The following CAMK2D variants were observed in gnomAD, a reference collection of about 807,000 sequenced individuals.
The protein encoded by CAMK2D is calcium/calmodulin-dependent protein kinase type II subunit delta.
CAMK2D carries 37 observed loss-of-function variants against 84.0 expected under a neutral mutation model. The ratio of observed to expected loss-of-function variants is 0.44; its 90% CI spans 0.34 to 0.58. The LOEUF (loss-of-function observed/expected upper bound fraction) is 0.58, where lower values mean the gene tolerates loss of function less well. Ranked by LOEUF, CAMK2D falls within the 20% of genes least tolerant of loss-of-function variation. CAMK2D has a pLI of 0.02. For missense variants in CAMK2D, 448 were observed against 652.5 expected (o/e 0.69, Z 3.41); for synonymous variants, 202 against 212.5 (o/e 0.95, Z 0.43).
chr4:113,601,410 C>G (rs1009062122), intron 4 of CAMK2D, among the ~76,000 whole-genome samples: 1 of 152,050 alleles, frequency 6.6e-6, no homozygotes, highest in Middle Eastern at 3.4e-3. Context: ...GGAACACGAT[C>G]CGGATATGCC....
chr4:113,749,136 T>C (rs1320872540), intron 2 of CAMK2D, among the ~76,000 whole-genome samples: 1 of 151,320 alleles, frequency 6.6e-6, no homozygotes, highest in Non-Finnish European at 1.5e-5. Context: ...GAATATTTTC[T>C]CATATATAAT....
intron 7 of CAMK2D, among the ~76,000 whole-genome samples, chr4:113,533,565 C>T (rs2098471458): frequency 6.6e-6 from 1 of 151,856 alleles, no homozygotes; most frequent in Non-Finnish European, 1.5e-5. Context: ...TCCATTGTAA[C>T]ACATTGGCAT....
intron 4 of CAMK2D, among the ~76,000 whole-genome samples, chr4:113,608,135 GTGGTAGTC>G (rs2098985681): frequency 6.6e-6 from 1 of 152,176 alleles, no homozygotes; most frequent in East Asian, 1.9e-4. Context: ...AACTGAAAAT[GTGGTAGTC>G]AATTTCAGAC....
At chr4:113,620,066 G>A (rs948458436) in intron 3 of CAMK2D, among the ~76,000 whole-genome samples, 1 of 152,194 alleles carries the variant, frequency 6.6e-6, no homozygotes, top group Non-Finnish European at 1.5e-5. Flanking sequence ...GCTGCACTAA[G>A]AATGTAGGAT....
chr4:113,634,233 T>C (rs1358967084), intron 3 of CAMK2D, among the ~76,000 whole-genome samples: 5 of 152,186 alleles, frequency 3.3e-5, no homozygotes, highest in Non-Finnish European at 7.4e-5. Context: ...TTACACGTTG[T>C]AGGGAATAGA....
intron 4 of CAMK2D, among the ~76,000 whole-genome samples, chr4:113,581,760 C>A (rs1252941569): frequency 6.6e-6 from 1 of 152,046 alleles, no homozygotes. Flanking sequence ...TGATATTTGC[C>A]TGTGATTTGG....
At chr4:113,597,782 T>C (rs1201892976) in intron 4 of CAMK2D, among the ~76,000 whole-genome samples, 2 of 152,250 alleles carry the variant, frequency 1.3e-5, no homozygotes, top group Non-Finnish European at 2.9e-5. Flanking sequence ...TAATTCTTTC[T>C]AGGTTTTGAT....
At chr4:113,711,301 C>A (rs1417313687) in intron 2 of CAMK2D, among the ~76,000 whole-genome samples, 1 of 151,758 alleles carries the variant, frequency 6.6e-6, no homozygotes, top group African/African-American at 2.4e-5. Flanking sequence ...CTTCACAATT[C>A]ATTCTTAAAA....
intron 16 of CAMK2D, among the ~76,000 whole-genome samples, chr4:113,480,129 T>A (rs1360209967): frequency 6.6e-6 from 1 of 152,014 alleles, no homozygotes; most frequent in African/African-American, 2.4e-5. Flanking sequence ...ACCGGCTAAT[T>A]TCTTTTGTAT....
At chr4:113,548,191 T>G (rs1235727690) in intron 5 of CAMK2D, among the ~76,000 whole-genome samples, 1 of 152,214 alleles carries the variant, frequency 6.6e-6, no homozygotes, top group Non-Finnish European at 1.5e-5. Context: ...ATTAACTTCT[T>G]GTGCTTTAAT....
intron 2 of CAMK2D, among the ~76,000 whole-genome samples, chr4:113,668,981 G>C (rs935893471): frequency 5.3e-5 from 8 of 152,088 alleles, no homozygotes; most frequent in African/African-American, 1.7e-4. Context: ...TCACAGGACT[G>C]TAAAGGAATA....
intron 4 of CAMK2D, among the ~76,000 whole-genome samples, chr4:113,560,430 T>C (rs780206209): frequency 4.6e-5 from 7 of 152,060 alleles, no homozygotes; most frequent in Non-Finnish European, 7.4e-5. Context: ...GTGGAGAAAA[T>C]AGAAACATAA....
At chr4:113,735,000 A>G (rs537345852) in intron 2 of CAMK2D, among the ~76,000 whole-genome samples, 1 of 152,050 alleles carries the variant, frequency 6.6e-6, no homozygotes, top group East Asian at 1.9e-4. Context: ...TGAGTAAAAC[A>G]GATTCCGAAA....
chr4:113,511,985 C>T (rs1205805120), intron 12 of CAMK2D, among the ~76,000 whole-genome samples: 2 of 152,108 alleles, frequency 1.3e-5, no homozygotes, highest in African/African-American at 4.8e-5. Context: ...GGATTATTAC[C>T]TGATAACACT....
At chr4:113,659,789 A>G (rs1291794133) in intron 3 of CAMK2D, among the ~76,000 whole-genome samples, 2 of 152,216 alleles carry the variant, frequency 1.3e-5, no homozygotes, top group Admixed American at 6.5e-5. Context: ...TCAGAGTAAA[A>G]TGCTTCTAGA....
chr4:113,594,697 G>C (rs1489391545), intron 4 of CAMK2D, among the ~76,000 whole-genome samples: 2 of 152,094 alleles, frequency 1.3e-5, no homozygotes, highest in Non-Finnish European at 2.9e-5. Context: ...CTCTAAGCCT[G>C]AAGATATGAC....
At chr4:113,537,310 T>C (rs373739282) in intron 7 of CAMK2D, 31 bp downstream of exon 7, 19 of 1,123,144 alleles carry the variant, frequency 1.7e-5, no homozygotes, top group Middle Eastern at 2.0e-4. Context: ...CAGAAGACTA[T>C]AGGTAGCATG....
chr4:113,493,590 T>C (rs999681965), intron 16 of CAMK2D, among the ~76,000 whole-genome samples: 8 of 151,906 alleles, frequency 5.3e-5, no homozygotes, highest in African/African-American at 1.7e-4. Flanking sequence ...TTCCTTCATT[T>C]CAACTTTGGT....
rs371384396 is a variant in CAMK2D at position 113,638,764 on chromosome 4, G to GA, written c.220+22948dup. Reference sequence around the variant, plus strand: ...TGTCACCAACTTAATTCAGACACCAGAAAAAAACAAAAACTTAGAGAAACA... The same window carrying GA: ...TGTCACCAACTTAATTCAGACACCAGAAAAAAAACAAAAACTTAGAGAAACA... On this transcript the variant is annotated intron_variant, in intron 3 of 20. Coordinates refer to ENST00000511664, the MANE Select transcript of CAMK2D (RefSeq NM_001321571.2). Among the ~76,000 whole-genome samples the GA allele has an allele frequency of 8.4e-4, 127 of 151,978 alleles. 1 individual carries two copies. The highest frequency in any genetic ancestry group is 4.3e-3 in the Admixed American group (66 of 15,264).
Sources: allele counts gnomAD v4.1 joint callset (sites outside exome capture counted in the v4.1 genomes callset), GRCh38; gene constraint gnomAD v4.1.1; transcripts MANE v1.5; gene names NCBI Gene and HGNC (gene_info 2026-07-23, HGNC 2026-07-21).